MYOM1: variants seen among roughly 807,000 people sequenced by gnomAD.
MYOM1 encodes the protein myomesin 1, also known as myomesin-1.
Under a neutral mutation model 205.3 loss-of-function variants are expected in MYOM1, and 164 were observed. That is an observed-to-expected ratio of 0.80 (90% CI 0.70 to 0.91). The LOEUF is 0.91. Among genes scored for constraint, MYOM1 ranks in the 40% least tolerant of loss-of-function variants. The pLI is 0.00. For missense variants in MYOM1, 2,011 were observed against 2,127.3 expected, an observed-to-expected ratio of 0.95 and a Z score of 1.08; for synonymous variants, 772 against 789.4, an observed-to-expected ratio of 0.98 and a Z score of 0.37.
intron 10 of MYOM1, among the ~76,000 whole-genome samples, chr18:3,160,219 GT>G (rs1469146680): frequency 6.9e-6 from 1 of 144,262 alleles, no homozygotes; most frequent in Non-Finnish European, 1.5e-5. Context: ...ACAGGGTCTC[GT>G]TCTGTCACCC....
At chr18:3,173,866 G>C in intron 8 of MYOM1, 72 bp downstream of exon 8, 1 of 1,365,976 alleles carries the variant, frequency 7.3e-7, no homozygotes, top group Admixed American at 1.7e-5. Flanking sequence ...ATTTATTTCA[G>C]CATTATGGGC....
At chr18:3,099,449 C>G (rs1194866337) in intron 25 of MYOM1, among the ~76,000 whole-genome samples, 2 of 152,132 alleles carry the variant, frequency 1.3e-5, no homozygotes, top group East Asian at 3.8e-4. Context: ...TGGGTGTATA[C>G]TATCACTTTC....
the MYOM1 span, among the ~76,000 whole-genome samples, chr18:3,239,002 G>A: frequency 6.6e-6 from 1 of 152,208 alleles, no homozygotes; most frequent in South Asian, 2.1e-4. Context: ...TTTAAGATCA[G>A]CTCATTATTA....
intron 9 of MYOM1, among the ~76,000 whole-genome samples, chr18:3,164,921 A>T (rs2080445892): frequency 6.7e-6 from 1 of 149,628 alleles, no homozygotes; most frequent in Admixed American, 6.8e-5. Context: ...AGTCATCAAA[A>T]TTTATACTTT....
At chr18:3,175,100 C>T (rs12607988) in intron 6 of MYOM1, among the ~76,000 whole-genome samples, 50,219 of 151,914 alleles carry the variant, frequency 0.33, 8,502 homozygotes, top group African/African-American at 0.4. Flanking sequence ...GCAAGGCAAA[C>T]ACAGTTGCCC....
At chr18:3,145,419 AAC>A (rs2080111055) in intron 13 of MYOM1, among the ~76,000 whole-genome samples, 1 of 152,220 alleles carries the variant, frequency 6.6e-6, no homozygotes, top group African/African-American at 2.4e-5. Context: ...GGATTCAAAT[AAC>A]ACAAAATATG....
At chr18:3,076,722 CTT>C (rs35452841) in intron 34 of MYOM1, among the ~76,000 whole-genome samples, 42,561 of 142,834 alleles carry the variant, frequency 0.3, 6,098 homozygotes, top group African/African-American at 0.32. Flanking sequence ...AAAATGGCAG[CTT>C]TTTTTTTTTT....
chr18:3,090,838 G>T, intron 26 of MYOM1, 36 bp from the exon 27 acceptor site: 1 of 1,612,274 alleles, frequency 6.2e-7, no homozygotes, highest in Non-Finnish European at 8.5e-7. Context: ...AGAAATCACT[G>T]AGGCATATAT....
chr18:3,072,370 T>TTTTTTTTTTTTTTTTTTTTTTTG (rs768555182), intron 36 of MYOM1, among the ~76,000 whole-genome samples: 7 of 115,938 alleles, frequency 6.0e-5, no homozygotes, highest in Non-Finnish European at 5.3e-5. Context: ...TTTTTTTTTT[T>TTTTTTTTTTTTTTTTTTTTTTTG]TGAGGCAGAG....
chr18:3,235,499 C>T, the MYOM1 span, among the ~76,000 whole-genome samples: 3 of 152,222 alleles, frequency 2.0e-5, no homozygotes, highest in African/African-American at 7.2e-5. Flanking sequence ...GCTTAGAAGT[C>T]ACTGAGGACA....
intron 8 of MYOM1, among the ~76,000 whole-genome samples, chr18:3,173,215 T>G (rs2080586550): frequency 6.6e-6 from 1 of 152,248 alleles, no homozygotes; most frequent in Admixed American, 6.5e-5. Context: ...TGTAAATTAC[T>G]ACTGACCAGA....
At position 3,067,334 on chromosome 18, in the gene MYOM1, G is replaced by A. The variant is rs756917060; in HGVS notation, c.4986C>T (p.Ser1662=). The change falls in exon 38 of 38, where the codon AGC becomes AGT. Residue 1662 remains serine, a synonymous_variant. Coordinates refer to ENST00000356443, the MANE Select transcript of MYOM1 (RefSeq NM_003803.4). ...YGSETSDFTV[S]VFIPEEEARM... is the part of the protein sequence containing the mutation. ...TCGCCTCCTCCTCTGGGATGAACACGCTGACGGTGAAGTCGCTGGTCTCCG... is the reference window on the plus strand; with the variant it reads ...TCGCCTCCTCCTCTGGGATGAACACACTGACGGTGAAGTCGCTGGTCTCCG... The A allele has an allele frequency of 7.4e-6, 12 of 1,611,980 alleles. No homozygotes were observed. The highest frequency in any genetic ancestry group is 5.0e-5 in the Admixed American group (3 of 59,968).
chr18:3,141,200 G>A (rs1567929779), intron 14 of MYOM1, among the ~76,000 whole-genome samples: 1 of 152,154 alleles, frequency 6.6e-6, no homozygotes, highest in Non-Finnish European at 1.5e-5. Context: ...ATAATGTTCT[G>A]TACAGGTCTT....
intron 2 of MYOM1, among the ~76,000 whole-genome samples, chr18:3,200,104 T>G (rs2081046452): frequency 6.6e-6 from 1 of 151,302 alleles, no homozygotes; most frequent in African/African-American, 2.4e-5. Flanking sequence ...GCCAAATTAT[T>G]ATTAAACAAA....
chr18:3,073,524 C>G (rs2143633144), intron 36 of MYOM1, among the ~76,000 whole-genome samples: 1 of 152,342 alleles, frequency 6.6e-6, no homozygotes, highest in Non-Finnish European at 1.5e-5. Flanking sequence ...ACCTGTAAGC[C>G]TAACCCTTCT....
chr18:3,242,651 G>C, the MYOM1 span, among the ~76,000 whole-genome samples: 1 of 152,102 alleles, frequency 6.6e-6, no homozygotes, highest in Non-Finnish European at 1.5e-5. Context: ...TGGAATTACA[G>C]GCACGCACCA....
rs573802919 is a variant in MYOM1 at position 3,162,533 on chromosome 18, T to G, written c.1501+1745A>C. Among the ~76,000 whole-genome samples the G allele has an allele frequency of 7.2e-5, 11 of 152,310 alleles. No homozygotes were observed. The South Asian group carries it at 2.3e-3, about 32-fold the overall frequency. ...CTTTCCCACGTGTCCCAGCTGTTCCTGTTCTAGGACCTGTGAGTATTATAA... is the reference window on the plus strand; with the variant it reads ...CTTTCCCACGTGTCCCAGCTGTTCCGGTTCTAGGACCTGTGAGTATTATAA... On this transcript the variant is annotated intron_variant, in intron 10 of 37. Coordinates refer to ENST00000356443, the MANE Select transcript of MYOM1 (RefSeq NM_003803.4).
intron 5 of MYOM1, among the ~76,000 whole-genome samples, chr18:3,182,016 G>A (rs1327324644): frequency 6.6e-6 from 1 of 152,228 alleles, no homozygotes; most frequent in African/African-American, 2.4e-5. Flanking sequence ...TTACAGGCGT[G>A]AGCCCTCGCG....
intron 5 of MYOM1, among the ~76,000 whole-genome samples, chr18:3,186,883 AGAAAGAAAGAGAAAGAAGGAAG>A (rs2080824077): frequency 6.6e-6 from 1 of 150,972 alleles, no homozygotes; most frequent in South Asian, 2.1e-4. Flanking sequence ...AGAGAGAGAA[AGAAAGAAAGAGAAAGAAGGAAG>A]GAAAGAAAGA....
Sources: allele counts gnomAD v4.1 joint callset (sites outside exome capture counted in the v4.1 genomes callset), GRCh38; gene constraint gnomAD v4.1.1; transcripts MANE v1.5; gene names NCBI Gene and HGNC (gene_info 2026-07-23, HGNC 2026-07-21).